Variants in BRAF observed in about 807,000 individuals in gnomAD.
BRAF encodes serine/threonine-protein kinase B-raf.
BRAF carries 16 observed loss-of-function variants against 104.6 expected under a neutral mutation model. The observed-to-expected ratio is 0.15, with a 90% confidence interval of 0.10 to 0.23. The LOEUF (loss-of-function observed/expected upper bound fraction) is 0.23. BRAF is among the 10% of genes least tolerant of loss of function. The pLI, the probability that BRAF is intolerant of heterozygous loss-of-function variation, is 1.00. For synonymous variants in BRAF, 310 were observed against 341.6 expected, an observed-to-expected ratio of 0.91 and a Z score of 1.02; for missense variants, 541 against 937.3, an observed-to-expected ratio of 0.58 and a Z score of 5.52.
chr7:140,835,066 G>C (rs1046433103), intron 2 of BRAF, 194 bp from the exon 3 acceptor site: 6 of 639,056 alleles, frequency 9.4e-6, no homozygotes, highest in Non-Finnish European at 1.3e-5. Flanking sequence ...TTTGTTATTA[G>C]ACACTACACT....
intron 8 of BRAF, among the ~76,000 whole-genome samples, chr7:140,790,547 C>T (rs1275275104): frequency 6.6e-6 from 1 of 152,018 alleles, no homozygotes; most frequent in African/African-American, 2.4e-5. Flanking sequence ...TATTATGTAC[C>T]AGGCATAATA....
intron 17 of BRAF, among the ~76,000 whole-genome samples, chr7:140,743,780 G>A (rs1208603372): frequency 2.0e-5 from 3 of 151,810 alleles, no homozygotes; most frequent in Non-Finnish European, 4.4e-5. Flanking sequence ...ATTGTCCCAG[G>A]GTGTAAAAAC....
In BRAF at chr7:140,873,560, C is replaced by CTG. The variant is rs150740907; in HGVS notation, c.139-23350_139-23349dup. On this transcript the variant is annotated intron_variant, in intron 1 of 19. Coordinates refer to ENST00000644969, the MANE Select transcript of BRAF (RefSeq NM_001374258.1). ...CTGTTGGCATGTGTTCAGCTAGAGA[C>CTG]TGTGTGTGTGTGAGGGTGTTGACAA... is the stretch of plus-strand genomic sequence containing the variant. Among the ~76,000 whole-genome samples the CTG allele has an allele frequency of 8.7e-3, 1,318 of 152,204 alleles. 23 individuals are homozygous for CTG. Among genetic ancestry groups the CTG allele is most frequent in the African/African-American group, 0.03 (1,241 of 41,520 alleles).
intron 3 of BRAF, among the ~76,000 whole-genome samples, chr7:140,830,247 T>C (rs1371020534): frequency 2.0e-5 from 3 of 152,246 alleles, no homozygotes; most frequent in Non-Finnish European, 4.4e-5. Context: ...TCTAGTCATA[T>C]TTATAAATAA....
At chr7:140,872,906 C>G (rs1811772936) in intron 1 of BRAF, among the ~76,000 whole-genome samples, 1 of 151,814 alleles carries the variant, frequency 6.6e-6, no homozygotes, top group Non-Finnish European at 1.5e-5. Context: ...TAAGAAAGTA[C>G]CAATAAAATT....
At chr7:140,839,910 T>G (rs1807755154) in intron 2 of BRAF, among the ~76,000 whole-genome samples, 1 of 152,132 alleles carries the variant, frequency 6.6e-6, no homozygotes, top group Non-Finnish European at 1.5e-5. Flanking sequence ...AAAGTAAGAC[T>G]GCTAGAGTTT....
At chr7:140,786,508 T>TA (rs1385890734) in intron 9 of BRAF, among the ~76,000 whole-genome samples, 1 of 152,182 alleles carries the variant, frequency 6.6e-6, no homozygotes, top group Non-Finnish European at 1.5e-5. Context: ...TATCACCTCT[T>TA]ATAAAACATT....
In BRAF at chr7:140,814,022, T is replaced by C. The variant is rs923008319; in HGVS notation, c.505-5027A>G. ...GCAAATACCATATGAAAGTATAACC[T>C]GTGTAAAGGGAGGGAGGTTGTCTCC... On this transcript the variant is annotated intron_variant, in intron 3 of 19. Transcript: ENST00000644969. Among the ~76,000 whole-genome samples the C allele has an allele frequency of 3.3e-5, 5 of 152,214 alleles. No homozygotes were observed. The East Asian group carries it at 9.6e-4, about 29-fold the overall frequency.
chr7:140,763,840 G>A (rs564246725), intron 14 of BRAF, among the ~76,000 whole-genome samples: 2 of 152,262 alleles, frequency 1.3e-5, no homozygotes, highest in African/African-American at 2.4e-5. Flanking sequence ...AGGACCAGAC[G>A]GATTCAAAGC....
chr7:140,753,765 AG>A (rs1018090976), intron 15 of BRAF: 17 of 305,578 alleles, frequency 5.6e-5, no homozygotes, highest in African/African-American at 3.7e-4. Flanking sequence ...TGCTGCAGAT[AG>A]TATCTTAGTC....
chr7:140,834,580 G>C (rs1807114894), intron 3 of BRAF, 29 bp downstream of exon 3: 2 of 1,612,956 alleles, frequency 1.2e-6, no homozygotes, highest in Non-Finnish European at 1.7e-6. Context: ...CAAAGAAACA[G>C]CAAAATGGTG....
intron 4 of BRAF, chr7:140,808,350 C>CAA: frequency 4.9e-6 from 1 of 205,710 alleles, no homozygotes. Context: ...TTCCTGGGGT[C>CAA]CAAAAAAAAA....
intron 14 of BRAF, among the ~76,000 whole-genome samples, chr7:140,774,586 G>A (rs546685947): frequency 2.6e-5 from 4 of 152,268 alleles, no homozygotes; most frequent in Admixed American, 6.5e-5. Flanking sequence ...GCACAATCAC[G>A]ACTCCTTGCA....
chr7:140,759,157 TGAA>T (rs1425944976), intron 14 of BRAF, among the ~76,000 whole-genome samples: 1 of 152,240 alleles, frequency 6.6e-6, no homozygotes, highest in Non-Finnish European at 1.5e-5. Flanking sequence ...GTGGCAAATA[TGAA>T]GAAGATGCTG....
chr7:140,770,460 T>C (rs558196249), intron 14 of BRAF, among the ~76,000 whole-genome samples: 2 of 150,994 alleles, frequency 1.3e-5, no homozygotes, highest in Non-Finnish European at 2.9e-5. Context: ...CCTCTGTGAT[T>C]TAATTTTTTG....
At position 140,724,274 on chromosome 7, in the gene BRAF, C is replaced by T. The variant is rs1795474470; in HGVS notation, c.*2220G>A. ...TCTACCTCCTCAGCAGGACATGAAA[C>T]ACATCCTCTTGTTCAAGCCCAGGTC... On this transcript the variant is annotated 3_prime_UTR_variant, in exon 20 of 20. Transcript: ENST00000644969. The T allele has an allele frequency of 8.5e-6, 9 of 1,058,656 alleles. No individual in the cohort carries two copies. Among genetic ancestry groups the T allele is most frequent in the Non-Finnish European group, 1.0e-5 (9 of 875,168 alleles). The allele number at this position is 1,058,656 out of a possible 1,614,324, so 65.6% of individuals were successfully genotyped here.
chr7:140,750,375 G>A (rs533731684), intron 16 of BRAF, among the ~76,000 whole-genome samples: 1 of 152,200 alleles, frequency 6.6e-6, no homozygotes, highest in Non-Finnish European at 1.5e-5. Flanking sequence ...TAATGGCACT[G>A]AGCAACAGCT....
intron 3 of BRAF, among the ~76,000 whole-genome samples, chr7:140,824,900 C>T (rs965027577): frequency 6.6e-6 from 1 of 151,716 alleles, no homozygotes; most frequent in Non-Finnish European, 1.5e-5. Context: ...TCTTCTCATG[C>T]GTTTATTACC....
intron 3 of BRAF, among the ~76,000 whole-genome samples, chr7:140,821,464 AT>A (rs201485604): frequency 3.4e-4 from 49 of 145,110 alleles, no homozygotes; most frequent in Non-Finnish European, 3.4e-4. Flanking sequence ...TGGCTGGCTA[AT>A]TTTTTTTTTT....
Sources: allele counts gnomAD v4.1 joint callset (sites outside exome capture counted in the v4.1 genomes callset), GRCh38; gene constraint gnomAD v4.1.1; transcripts MANE v1.5; gene names NCBI Gene and HGNC (gene_info 2026-07-23, HGNC 2026-07-21).